GRAMD1C: variants seen among roughly 807,000 people sequenced by gnomAD.
GRAMD1C encodes the protein GRAM domain containing 1C.
Under a neutral mutation model 97.8 loss-of-function variants are expected in GRAMD1C, and 89 were observed. The observed-to-expected ratio is 0.91, with a 90% CI of 0.77 to 1.09. The LOEUF (loss-of-function observed/expected upper bound fraction) is 1.09. GRAMD1C is among the 50% of genes least tolerant of loss of function. The pLI is 0.00. For missense variants in GRAMD1C, 740 were observed against 766.4 expected, an observed-to-expected ratio of 0.97 and a Z score of 0.41; for synonymous variants, 256 against 267.0, an observed-to-expected ratio of 0.96 and a Z score of 0.40.
At chr3:113,864,514 C>T (rs1453583832) in intron 2 of GRAMD1C, among the ~76,000 whole-genome samples, 1 of 152,142 alleles carries the variant, frequency 6.6e-6, no homozygotes, top group Non-Finnish European at 1.5e-5. Flanking sequence ...ACCCAGAGAG[C>T]ACTCCCAAAA....
At chr3:113,857,179 A>AC (rs1553716169) in intron 2 of GRAMD1C, among the ~76,000 whole-genome samples, 84 of 151,546 alleles carry the variant, frequency 5.5e-4, no homozygotes, top group African/African-American at 2.0e-3. Context: ...AAACAAACAA[A>AC]AAAATAAAAC....
chr3:113,932,255 C>A (rs192958416), intron 11 of GRAMD1C, among the ~76,000 whole-genome samples: 121 of 152,196 alleles, frequency 8.0e-4, no homozygotes, highest in Non-Finnish European at 1.2e-3. Context: ...TGTTCATTAT[C>A]ATTAAAAAGA....
chr3:113,940,438 C>T (rs899036425), intron 17 of GRAMD1C, 93 bp downstream of exon 17: 9 of 729,816 alleles, frequency 1.2e-5, no homozygotes, highest in Admixed American at 4.7e-5. Context: ...ACCCTACTAT[C>T]GTTTGAAAAA....
At chr3:113,920,215 C>CAA in intron 10 of GRAMD1C, 78 of 899,662 alleles carry the variant, frequency 8.7e-5, no homozygotes, top group South Asian at 2.3e-4. Context: ...AATAGGAGAC[C>CAA]AAAAAAAAAA....
chr3:113,870,811 TTATAAGAA>T (rs1934771836), intron 3 of GRAMD1C, among the ~76,000 whole-genome samples: 1 of 151,732 alleles, frequency 6.6e-6, no homozygotes, highest in Non-Finnish European at 1.5e-5. Flanking sequence ...GATTTTTGAT[TTATAAGAA>T]TTTTTTTTTT....
At chr3:113,898,098 A>T (rs1936008617) in intron 6 of GRAMD1C, among the ~76,000 whole-genome samples, 1 of 152,166 alleles carries the variant, frequency 6.6e-6, no homozygotes, top group African/African-American at 2.4e-5. Flanking sequence ...TAGCTTGAAA[A>T]GTATATTGTG....
At chr3:113,867,118 C>T (rs1048235518) in intron 2 of GRAMD1C, among the ~76,000 whole-genome samples, 1 of 152,140 alleles carries the variant, frequency 6.6e-6, no homozygotes, top group Non-Finnish European at 1.5e-5. Context: ...CGTGAGCCGT[C>T]ATGCCTGGCC....
At chr3:113,941,454 TCTTAC>T (rs1453571862) in intron 17 of GRAMD1C, among the ~76,000 whole-genome samples, 5 of 152,318 alleles carry the variant, frequency 3.3e-5, no homozygotes, top group Non-Finnish European at 7.3e-5. Context: ...TATGTAATAT[TCTTAC>T]CTTTTCTTTC....
At chr3:113,915,019 T>A (rs147479491) in intron 9 of GRAMD1C, among the ~76,000 whole-genome samples, 1 of 152,206 alleles carries the variant, frequency 6.6e-6, no homozygotes, top group Non-Finnish European at 1.5e-5. Context: ...GAGCAAGATA[T>A]TGCTTCTTCA....
intron 10 of GRAMD1C, chr3:113,919,768 A>T: frequency 1.7e-6 from 1 of 594,148 alleles, no homozygotes; most frequent in East Asian, 4.3e-5. Flanking sequence ...ATAGTAAGTC[A>T]AAGTATCATT....
intron 10 of GRAMD1C, chr3:113,919,728 T>C (rs1936965798): frequency 3.4e-6 from 2 of 592,514 alleles, no homozygotes; most frequent in Non-Finnish European, 6.4e-6. Context: ...GAAGTGGGCA[T>C]TGAAGATTGT....
intron 5 of GRAMD1C, among the ~76,000 whole-genome samples, chr3:113,880,341 A>C (rs965701959): frequency 6.6e-6 from 1 of 152,122 alleles, no homozygotes; most frequent in Non-Finnish European, 1.5e-5. Context: ...ACAGGCATGC[A>C]TATATAAATG....
intron 1 of GRAMD1C, among the ~76,000 whole-genome samples, chr3:113,841,372 A>C (rs905261012): frequency 7.4e-6 from 1 of 135,676 alleles, no homozygotes; most frequent in African/African-American, 2.8e-5. Context: ...CGCAACCTCC[A>C]CCTCCCGGGT....
At chr3:113,836,119 C>T (rs1474093531), upstream of GRAMD1C, among the ~76,000 whole-genome samples, 1 of 151,888 alleles carries the variant, frequency 6.6e-6, no homozygotes, top group East Asian at 1.9e-4. Context: ...CAAAAATTAG[C>T]CGGGCATGGT....
chr3:113,846,369 G>C (rs1425256866), intron 2 of GRAMD1C, among the ~76,000 whole-genome samples: 1 of 152,114 alleles, frequency 6.6e-6, no homozygotes, highest in East Asian at 1.9e-4. Flanking sequence ...GCCTCCCAAA[G>C]TGCTGGGATT....
chr3:113,919,766 TC>T (rs1363485018), intron 10 of GRAMD1C: 1 of 591,470 alleles, frequency 1.7e-6, no homozygotes, highest in Non-Finnish European at 3.2e-6. Flanking sequence ...ATATAGTAAG[TC>T]AAAGTATCAT....
intron 2 of GRAMD1C, among the ~76,000 whole-genome samples, chr3:113,867,904 T>A (rs1159054580): frequency 6.6e-6 from 1 of 152,196 alleles, no homozygotes; most frequent in Non-Finnish European, 1.5e-5. Context: ...CTTCTGATAC[T>A]CCCATCACAT....
intron 2 of GRAMD1C, among the ~76,000 whole-genome samples, chr3:113,868,262 G>C (rs1000406270): frequency 6.6e-6 from 1 of 151,944 alleles, no homozygotes; most frequent in African/African-American, 2.4e-5. Flanking sequence ...ATCTTTGTCT[G>C]CAAAATTCAA....
rs766279048 is a variant in GRAMD1C, at chr3:113,930,694, T to A, written c.1091-20T>A. Reference sequence around the variant, plus strand: ...GTTTAAGTTTCTAGAACTAACTCATTTTGTGTTTGTTGTTGTTAGATGTAG... The same window carrying A: ...GTTTAAGTTTCTAGAACTAACTCATATTGTGTTTGTTGTTGTTAGATGTAG... On this transcript the variant is annotated intron_variant, in intron 10 of 17. Coordinates refer to ENST00000358160, the MANE Select transcript of GRAMD1C (RefSeq NM_017577.5). 3.3e-6 allele frequency: 4 copies of A among 1,215,418 alleles called. No individual in the cohort carries two copies. The highest frequency in any genetic ancestry group is 1.9e-4 in the Middle Eastern group (1 of 5,282). 75.3% of individuals were successfully genotyped at this position (1,215,418 alleles called of 1,614,324 possible). A position where few individuals can be genotyped will look rare whatever the true frequency, so the allele number is the denominator to read the frequency against.
Sources: allele counts gnomAD v4.1 joint callset (sites outside exome capture counted in the v4.1 genomes callset), GRCh38; gene constraint gnomAD v4.1.1; transcripts MANE v1.5; gene names NCBI Gene and HGNC (gene_info 2026-07-23, HGNC 2026-07-21).